Variants in SV2B observed in about 807,000 individuals in gnomAD.
SV2B encodes solute carrier family 22 member B2.
In SV2B, 41 loss-of-function variants were observed where a neutral mutation model predicts 73.9. The observed-to-expected ratio is 0.56, with a 90% CI of 0.43 to 0.72. The LOEUF is 0.72. SV2B is among the 30% of genes least tolerant of loss of function. The pLI, the probability that SV2B is intolerant of heterozygous loss-of-function variation, is 0.00. For synonymous variants in SV2B, 314 were observed against 314.2 expected, an observed-to-expected ratio of 1.00 and a Z score of 0.01; for missense variants, 764 against 857.8, an observed-to-expected ratio of 0.89 and a Z score of 1.37.
intron 2 of SV2B, among the ~76,000 whole-genome samples, chr15:91,249,725 T>A (rs1463625948): frequency 6.6e-6 from 1 of 152,202 alleles, no homozygotes; most frequent in African/African-American, 2.4e-5. Flanking sequence ...CACAGGAGAT[T>A]ATTATGAAAA....
In SV2B at chr15:91,166,949, G is replaced by A. The variant is rs543345741; in HGVS notation, c.-391-58924G>A. ...CTGCCTCAGCCTCCCAAGTAGCTGG[G>A]ACTACAGGTGCCTGCCACCATGCCC... On this transcript the variant is annotated intron_variant, in intron 1 of 12. Coordinates refer to ENST00000394232, the MANE Select transcript of SV2B (RefSeq NM_001323032.3). 3.3e-4 allele frequency among the ~76,000 whole-genome samples: 50 copies of A among 152,046 alleles called. 2 individuals are homozygous for A. The South Asian group carries it at 0.01, about 31-fold the overall frequency.
intron 1 of SV2B, among the ~76,000 whole-genome samples, chr15:91,184,549 T>G (rs1458626210): frequency 6.6e-6 from 1 of 152,214 alleles, no homozygotes; most frequent in African/African-American, 2.4e-5. Flanking sequence ...CATTGGAGCC[T>G]CTGCTGCCTT....
At chr15:91,131,859 A>G (rs764247199) in intron 1 of SV2B, among the ~76,000 whole-genome samples, 5 of 152,130 alleles carry the variant, frequency 3.3e-5, no homozygotes, top group Non-Finnish European at 7.3e-5. Flanking sequence ...GCTACTCAGG[A>G]GGCTGAGACA....
In SV2B at chr15:91,262,557, C is replaced by G. The variant is rs191843470; in HGVS notation, c.1008+2148C>G. On this transcript the variant is annotated intron_variant, in intron 6 of 12. Coordinates refer to ENST00000394232, the MANE Select transcript of SV2B (RefSeq NM_001323032.3). ...GGTTTGTTGTACAGGTATTTTGTCA[C>G]CCAGGTATTAAGCCCAGCACCCAAT... 2.2e-4 allele frequency among the ~76,000 whole-genome samples: 33 copies of G among 152,178 alleles called. 1 individual carries two copies. The highest frequency in any genetic ancestry group is 6.0e-4 in the African/African-American group (25 of 41,528).
At position 91,253,023 on chromosome 15, in the gene SV2B, T is replaced by TC. The variant is rs979460741; in HGVS notation, c.784+504dup. Among the ~76,000 whole-genome samples the TC allele has an allele frequency of 2.0e-5, 3 of 152,306 alleles. No individual in the cohort carries two copies. The highest frequency in any genetic ancestry group is 6.5e-5 in the Admixed American group (1 of 15,302). ...ACTCTTTCTGCCCTGGTGCCTGCTG[T>TC]CACTCTTGTTTGGCCGTGACAGTGC... On this transcript the variant is annotated intron_variant, in intron 4 of 12. Transcript: ENST00000394232. This position sits in a 1 kb window ranked among gnomAD's most constrained non-coding sequence, Gnocchi z 5.0.
At chr15:91,168,220 G>A (rs567656062) in intron 1 of SV2B, among the ~76,000 whole-genome samples, 1 of 151,590 alleles carries the variant, frequency 6.6e-6, no homozygotes, top group South Asian at 2.1e-4. Context: ...TGGTTTTCTG[G>A]TAGAAATCTG....
At chr15:91,154,203 TATAAA>T (rs973600592) in intron 1 of SV2B, among the ~76,000 whole-genome samples, 5 of 148,952 alleles carry the variant, frequency 3.4e-5, no homozygotes, top group African/African-American at 1.2e-4. Flanking sequence ...AAAATTATAT[TATAAA>T]GTAATATAAA....
In SV2B at chr15:91,128,521, C is replaced by T. The variant is rs1467484290; in HGVS notation, c.-392+28158C>T. Among the ~76,000 whole-genome samples, 3 of 152,170 alleles carry T rather than the reference C, an allele frequency of 2.0e-5. No homozygotes were observed. The highest frequency in any genetic ancestry group is 1.9e-4 in the East Asian group (1 of 5,200). ...GAAGCGAAAGTGTTTTTCTCCTCCC[C>T]GTCTGTCTCTCAGTCCCAGTCTCTC... On this transcript the variant is annotated intron_variant, in intron 1 of 12. Transcript: ENST00000394232. This position sits in a 1 kb window ranked among gnomAD's most constrained non-coding sequence, Gnocchi z 4.2.
At position 91,234,836 on chromosome 15, in the gene SV2B, C is replaced by T. The variant is rs986966086; in HGVS notation, c.451+8122C>T. Among the ~76,000 whole-genome samples, 1 of 152,074 alleles carries T rather than the reference C, an allele frequency of 6.6e-6. No homozygotes were observed. Among genetic ancestry groups the T allele is most frequent in the Non-Finnish European group, 1.5e-5 (1 of 67,992 alleles). ...TGTGGGCTTTTACTAGGTGACTGTG[C>T]ATTGGGGAAAGGAAAATAGTCAGAC... On this transcript the variant is annotated intron_variant, in intron 2 of 12. Transcript: ENST00000394232. The surrounding 1 kb of genome is among the most constrained non-coding windows in gnomAD (Gnocchi z 5.6).
chr15:91,284,248 G>T lies in SV2B; in HGVS notation c.1708+27G>T, dbSNP rs780322972. 6.2e-7 allele frequency: 1 copy of T among 1,612,530 alleles called. No homozygotes were observed. Among genetic ancestry groups the T allele is most frequent in the Non-Finnish European group, 8.5e-7 (1 of 1,178,830 alleles). ...TGAGTTGCCAGCAGGGTCATTCCTG[G>T]GTTCCAACGCGCTGGGGTGGTGACT... On this transcript the variant is annotated intron_variant, in intron 11 of 12. Coordinates refer to ENST00000394232, the MANE Select transcript of SV2B (RefSeq NM_001323032.3). This position sits in a 1 kb window ranked among gnomAD's most constrained non-coding sequence, Gnocchi z 4.5.
At position 91,300,350 on chromosome 15, in the gene SV2B, T is replaced by A. The variant is rs529825249; in HGVS notation, c.*7798T>A. 1.3e-5 allele frequency: 2 copies of A among 152,322 alleles called. No individual in the cohort carries two copies. The highest frequency in any genetic ancestry group is 4.8e-5 in the African/African-American group (2 of 41,570). The allele number at this position is 152,322 out of a possible 1,614,324, so 9.4% of individuals were successfully genotyped here. A position where few individuals can be genotyped will look rare whatever the true frequency, so the allele number is the denominator to read the frequency against. The stretch of plus-strand genomic sequence containing the variant: ...AAAAGGGTGTCTCTATTTTTTGTTG[T>A]TACTTCTCTGTTCTTGATGTAATGA... On this transcript the variant is annotated 3_prime_UTR_variant, in exon 13 of 13. Transcript: ENST00000394232.
intron 1 of SV2B, among the ~76,000 whole-genome samples, chr15:91,158,075 G>T (rs903503673): frequency 2.0e-5 from 3 of 152,172 alleles, no homozygotes; most frequent in Non-Finnish European, 4.4e-5. Context: ...TTGTTTACCT[G>T]TTGCTGTGGT....
intron 1 of SV2B, among the ~76,000 whole-genome samples, chr15:91,184,688 C>T (rs569976849): frequency 1.4e-4 from 21 of 152,324 alleles, no homozygotes; most frequent in African/African-American, 5.1e-4. Context: ...TTCTCTGTTG[C>T]TTCAAAGCCA....
At chr15:91,205,056 T>A (rs757744561) in intron 1 of SV2B, among the ~76,000 whole-genome samples, 1 of 152,222 alleles carries the variant, frequency 6.6e-6, no homozygotes, top group Non-Finnish European at 1.5e-5. Flanking sequence ...GTTAAAAGAT[T>A]ACAGACTCAC....
Position 91,129,083 on chromosome 15 carries a change from G to C in SV2B, c.-392+28720G>C, listed in dbSNP as rs1241558993. Among the ~76,000 whole-genome samples, 1 of 152,224 alleles carries C rather than the reference G, an allele frequency of 6.6e-6. No homozygotes were observed. The highest frequency in any genetic ancestry group is 2.4e-5 in the African/African-American group (1 of 41,458). On this transcript the variant is annotated intron_variant, in intron 1 of 12. Coordinates refer to ENST00000394232, the MANE Select transcript of SV2B (RefSeq NM_001323032.3). The surrounding 1 kb of genome is among the most constrained non-coding windows in gnomAD (Gnocchi z 5.1). Reference sequence around the variant, plus strand: ...GCCCTTGGCCCCTACATGGCCACATGTAAGTCTTATGTCCTGCTGCCTTTC... The same window carrying C: ...GCCCTTGGCCCCTACATGGCCACATCTAAGTCTTATGTCCTGCTGCCTTTC...
chr15:91,179,579 G>C (rs942421602), intron 1 of SV2B, among the ~76,000 whole-genome samples: 5 of 152,082 alleles, frequency 3.3e-5, no homozygotes, highest in African/African-American at 1.2e-4. Flanking sequence ...GGGTGCTCCT[G>C]TATTGGGTGC....
intron 1 of SV2B, among the ~76,000 whole-genome samples, chr15:91,112,075 G>A (rs1300851102): frequency 1.5e-5 from 2 of 134,590 alleles, no homozygotes; most frequent in African/African-American, 5.5e-5. Context: ...TCCAAACTAT[G>A]TCATCTGCTG....
At chr15:91,180,220 C>T (rs1021051368) in intron 1 of SV2B, among the ~76,000 whole-genome samples, 7 of 152,100 alleles carry the variant, frequency 4.6e-5, no homozygotes, top group Non-Finnish European at 8.8e-5. Flanking sequence ...TGAATATTGG[C>T]CCCCGCTCTC....
chr15:91,135,459 A>G (rs1409207746), intron 1 of SV2B, among the ~76,000 whole-genome samples: 2 of 152,198 alleles, frequency 1.3e-5, no homozygotes, highest in Non-Finnish European at 2.9e-5. Context: ...AAACAGAGGT[A>G]CTTTTTGTTG....
Sources: gnomAD v4.1 joint callset for allele counts (sites outside exome capture counted in the v4.1 genomes callset) on GRCh38, gnomAD v4.1.1 for gene constraint, Gnocchi (gnomAD v3.1) non-coding constraint, MANE v1.5 for transcripts, NCBI Gene and HGNC (gene_info 2026-07-23, HGNC 2026-07-21) for gene names.